TOX: variants seen among roughly 807,000 people sequenced by gnomAD.
TOX encodes thymocyte selection-associated high mobility group box protein TOX.
In TOX, 11 loss-of-function variants were observed where a neutral mutation model predicts 53.7. That is an observed-to-expected ratio of 0.20 (90% CI 0.13 to 0.34). The LOEUF (loss-of-function observed/expected upper bound fraction) is 0.34, where lower values mean the gene tolerates loss of function less well. TOX is among the 10% of genes least tolerant of loss of function. TOX has a pLI of 1.00. For synonymous variants in TOX, 225 were observed against 245.3 expected (o/e 0.92, Z 0.77); for missense variants, 570 against 664.6 (o/e 0.86, Z 1.56).
At position 58,815,386 on chromosome 8, in the gene TOX, C is replaced by T. The variant is rs754399211; in HGVS notation, c.1344G>A (p.Gln448=). The stretch of plus-strand genomic sequence containing the variant: ...AGGCAGACTGGACCTGCATGGGGAG[C>T]TGGTTCCCAAGGGGCTGCTGCATGG... ...PLTMQQPLGN[Q]LPMQVQSALH... The change falls in exon 7 of 9, where the codon CAG becomes CAA. Residue 448 remains glutamine (Q), a synonymous_variant. Transcript: ENST00000361421. 1.2e-6 allele frequency: 2 copies of T among 1,612,550 alleles called. No homozygotes were observed. Among genetic ancestry groups the T allele is most frequent in the Admixed American group, 3.3e-5 (2 of 59,940 alleles).
At chr8:59,115,386 C>T (rs1276516294) in intron 1 of TOX, among the ~76,000 whole-genome samples, 1 of 152,180 alleles carries the variant, frequency 6.6e-6, no homozygotes, top group Non-Finnish European at 1.5e-5. Context: ...GGAAATGACG[C>T]TGCACTAAGA....
At chr8:58,884,188 G>A (rs191078785) in intron 3 of TOX, among the ~76,000 whole-genome samples, 1 of 152,258 alleles carries the variant, frequency 6.6e-6, no homozygotes, top group Admixed American at 6.5e-5. Context: ...GTTTGAATTA[G>A]GTAGATTTTT....
chr8:59,041,822 T>C (rs1803592373), intron 1 of TOX, among the ~76,000 whole-genome samples: 2 of 152,220 alleles, frequency 1.3e-5, no homozygotes, highest in South Asian at 4.1e-4. Context: ...CACCATCATG[T>C]TGTATGTAAA....
At chr8:59,073,278 C>T (rs1217893868) in intron 1 of TOX, among the ~76,000 whole-genome samples, 7 of 152,100 alleles carry the variant, frequency 4.6e-5, no homozygotes, top group African/African-American at 7.2e-5. Flanking sequence ...ATCTCAGGGA[C>T]CAGGATTAAT....
At chr8:59,042,937 C>T (rs980849919) in intron 1 of TOX, among the ~76,000 whole-genome samples, 4 of 129,634 alleles carry the variant, frequency 3.1e-5, no homozygotes, top group Admixed American at 1.5e-4. Flanking sequence ...TAGCATTTTT[C>T]GTGATGAGAA....
intron 4 of TOX, among the ~76,000 whole-genome samples, chr8:58,838,820 G>A (rs1433785250): frequency 6.7e-6 from 1 of 148,202 alleles, no homozygotes; most frequent in African/African-American, 2.5e-5. Context: ...CCCTGCCTCA[G>A]CCTCCCCGAC....
chr8:58,830,064 G>T (rs1810426900), intron 5 of TOX, among the ~76,000 whole-genome samples: 1 of 152,158 alleles, frequency 6.6e-6, no homozygotes, highest in Admixed American at 6.6e-5. Flanking sequence ...CTTAGGGAAA[G>T]ACAAATATTT....
At chr8:58,972,665 T>G (rs991265327) in intron 1 of TOX, among the ~76,000 whole-genome samples, 1 of 152,194 alleles carries the variant, frequency 6.6e-6, no homozygotes, top group Non-Finnish European at 1.5e-5. Context: ...GCTAGATACT[T>G]AAGCTGTTTC....
chr8:59,054,967 A>AG (rs1803864731), intron 1 of TOX, among the ~76,000 whole-genome samples: 1 of 130,046 alleles, frequency 7.7e-6, no homozygotes, highest in East Asian at 2.7e-4. Flanking sequence ...GGAGGGAGGA[A>AG]GGAAGGGACG....
intron 1 of TOX, among the ~76,000 whole-genome samples, chr8:59,073,540 T>C (rs1244170455): frequency 1.3e-5 from 2 of 152,198 alleles, no homozygotes; most frequent in East Asian, 1.9e-4. Flanking sequence ...CCAGCACATA[T>C]AGTAGGAGAC....
At chr8:58,883,769 T>C (rs1485546508) in intron 3 of TOX, among the ~76,000 whole-genome samples, 3 of 152,130 alleles carry the variant, frequency 2.0e-5, no homozygotes, top group Non-Finnish European at 4.4e-5. Flanking sequence ...GAAATTGTAA[T>C]AATGACAAAC....
intron 5 of TOX, among the ~76,000 whole-genome samples, chr8:58,832,233 A>C (rs1313669199): frequency 3.4e-5 from 5 of 149,092 alleles, no homozygotes; most frequent in Non-Finnish European, 1.5e-5. Flanking sequence ...TAAATACCTG[A>C]ATTTTACAAG....
intron 1 of TOX, among the ~76,000 whole-genome samples, chr8:59,068,503 G>A (rs2956796): frequency 0.52 from 78,121 of 149,998 alleles, 21,011 homozygotes; most frequent in African/African-American, 0.68. Context: ...AGAATAAGGC[G>A]GAAAAAAGTA....
chr8:59,074,241 G>T (rs374063086), intron 1 of TOX, among the ~76,000 whole-genome samples: 2 of 152,086 alleles, frequency 1.3e-5, no homozygotes, highest in East Asian at 3.9e-4. Flanking sequence ...TTACATAATG[G>T]GTGCTTAAGA....
At chr8:58,849,725 T>A (rs964972136) in intron 4 of TOX, among the ~76,000 whole-genome samples, 1 of 152,218 alleles carries the variant, frequency 6.6e-6, no homozygotes, top group Non-Finnish European at 1.5e-5. Context: ...ATGTCAGGAA[T>A]GAATACTGAT....
intron 1 of TOX, among the ~76,000 whole-genome samples, chr8:58,980,097 T>G (rs1813173872): frequency 6.6e-6 from 1 of 152,222 alleles, no homozygotes. Context: ...ACAGGGGAAT[T>G]TCATGGTAAT....
intron 2 of TOX, among the ~76,000 whole-genome samples, chr8:58,941,956 G>A (rs34824653): frequency 6.6e-6 from 1 of 151,628 alleles, no homozygotes; most frequent in Non-Finnish European, 1.5e-5. Context: ...GGGAGGCTGA[G>A]GCAGGAGAAT....
intron 1 of TOX, among the ~76,000 whole-genome samples, chr8:59,083,349 T>C (rs1016415161): frequency 6.6e-6 from 1 of 152,212 alleles, no homozygotes; most frequent in African/African-American, 2.4e-5. Flanking sequence ...TATATCATGA[T>C]GGGAAAAGAC....
At chr8:58,989,080 C>T (rs1442825785) in intron 1 of TOX, among the ~76,000 whole-genome samples, 2 of 152,096 alleles carry the variant, frequency 1.3e-5, no homozygotes, top group African/African-American at 2.4e-5. Context: ...TGTGGGGGGC[C>T]GAGGCAGGTG....
Sources: gnomAD v4.1 joint callset for allele counts (sites outside exome capture counted in the v4.1 genomes callset) on GRCh38, gnomAD v4.1.1 for gene constraint, MANE v1.5 for transcripts, NCBI Gene and HGNC (gene_info 2026-07-23, HGNC 2026-07-21) for gene names.